The following VDAC1 variants were observed in gnomAD, a reference collection of about 807,000 sequenced individuals.
The protein encoded by VDAC1 is non-selective voltage-gated ion channel VDAC1.
A neutral mutation model predicts 34.7 loss-of-function variants in VDAC1; 10 were observed. The ratio of observed to expected loss-of-function variants is 0.29; its 90% CI spans 0.18 to 0.49. The LOEUF is 0.49. VDAC1 is among the 20% of genes least tolerant of loss of function. The pLI is 0.99. For missense variants in VDAC1, 230 were observed against 347.9 expected (o/e 0.66, Z 2.69); for synonymous variants, 130 against 136.0 (o/e 0.96, Z 0.30).
At chr5:134,112,890 C>T in the VDAC1 span, among the ~76,000 whole-genome samples, 3 of 152,176 alleles carry the variant, frequency 2.0e-5, no homozygotes, top group African/African-American at 7.2e-5. Context: ...GTCGGTGGAA[C>T]TCATGGGTCT....
chr5:133,980,435 G>A (rs1288845131), intron 6 of VDAC1, among the ~76,000 whole-genome samples: 2 of 152,104 alleles, frequency 1.3e-5, no homozygotes, highest in Admixed American at 6.6e-5. Context: ...GAATGGACAC[G>A]CTCTGGACTG....
intron 3 of VDAC1, 64 bp downstream of exon 3, chr5:133,992,238 AAAAT>A: frequency 8.3e-6 from 10 of 1,205,668 alleles, no homozygotes; most frequent in Middle Eastern, 3.1e-4. Flanking sequence ...CTCCATCTCA[AAAAT>A]AAATAAATAA....
chr5:134,109,692 C>T, the VDAC1 span, among the ~76,000 whole-genome samples: 1 of 151,344 alleles, frequency 6.6e-6, no homozygotes, highest in Non-Finnish European at 1.5e-5. Flanking sequence ...ATTGCTTGAA[C>T]CTGGGAGGCA....
the VDAC1 span, among the ~76,000 whole-genome samples, chr5:134,031,680 A>C: frequency 1.3e-5 from 2 of 152,250 alleles, no homozygotes; most frequent in Admixed American, 1.3e-4. Context: ...GGCCAGGCGC[A>C]GTGGCTCATG....
the VDAC1 span, among the ~76,000 whole-genome samples, chr5:134,054,492 G>A: frequency 3.5e-5 from 4 of 114,744 alleles, no homozygotes; most frequent in Admixed American, 1.3e-4. Context: ...ATGGAGTCTC[G>A]CTCTGTTGCC....
the VDAC1 span, among the ~76,000 whole-genome samples, chr5:134,088,831 C>A: frequency 0.013 from 1,920 of 152,266 alleles, 43 homozygotes; most frequent in African/African-American, 0.044. Flanking sequence ...AGTTTTCCCC[C>A]AAGCTTACCT....
chr5:134,030,231 T>C, the VDAC1 span, among the ~76,000 whole-genome samples: 1 of 151,836 alleles, frequency 6.6e-6, no homozygotes, highest in African/African-American at 2.4e-5. Flanking sequence ...TCCCAGCTAC[T>C]TGGGAGGATG....
chr5:134,087,383 C>T, the VDAC1 span, among the ~76,000 whole-genome samples: 1 of 152,092 alleles, frequency 6.6e-6, no homozygotes, highest in African/African-American at 2.4e-5. Flanking sequence ...GACTCATCTA[C>T]CCCAGAAAAA....
chr5:133,995,081 C>A (rs1753247733), intron 1 of VDAC1, among the ~76,000 whole-genome samples: 1 of 152,202 alleles, frequency 6.6e-6, no homozygotes, highest in African/African-American at 2.4e-5. Flanking sequence ...CAAAATCCAA[C>A]AAGCACAGCC....
At chr5:134,056,781 G>A in the VDAC1 span, among the ~76,000 whole-genome samples, 2 of 152,162 alleles carry the variant, frequency 1.3e-5, no homozygotes, top group South Asian at 2.1e-4. Context: ...CGCCTCCCAG[G>A]TTCAAGCAAT....
At chr5:134,108,912 C>T in the VDAC1 span, among the ~76,000 whole-genome samples, 1 of 152,184 alleles carries the variant, frequency 6.6e-6, no homozygotes, top group Admixed American at 6.5e-5. Context: ...CCTCTTCTCT[C>T]CTAGGCTGAC....
In VDAC1 at chr5:133,975,928, A is replaced by G. The variant is rs1752463037; in HGVS notation, c.645T>C (p.Ser215=). 1 of 1,612,654 alleles carries G rather than the reference A, an allele frequency of 6.2e-7. No individual in the cohort carries two copies. The highest frequency in any genetic ancestry group is 8.5e-7 in the Non-Finnish European group (1 of 1,179,870). ...TGGCTGCTATTCCGAAGCGCGTGTT[A>G]CTGTTTCCTGCTGTCCAGGCAAGAT... ...AVNLAWTAGN[S]NTRFGIAAKY... is the part of the protein sequence containing the mutation. The change falls in exon 7 of 9, where the codon AGT becomes AGC. Residue 215 remains serine, a synonymous_variant. Transcript: ENST00000265333.
the VDAC1 span, among the ~76,000 whole-genome samples, chr5:134,059,890 G>A: frequency 6.8e-6 from 1 of 146,142 alleles, no homozygotes; most frequent in African/African-American, 2.4e-5. Flanking sequence ...CAAACAGCAA[G>A]GAATGAGAGC....
chr5:134,092,919 T>G, the VDAC1 span, among the ~76,000 whole-genome samples: 4 of 152,226 alleles, frequency 2.6e-5, no homozygotes, highest in Non-Finnish European at 4.4e-5. Context: ...GCGGAGCTGC[T>G]AGAATTTCCT....
the VDAC1 span, among the ~76,000 whole-genome samples, chr5:134,017,564 C>T: frequency 6.6e-6 from 1 of 152,136 alleles, no homozygotes; most frequent in African/African-American, 2.4e-5. Flanking sequence ...TTCCATAGTG[C>T]CTGCCATATC....
chr5:134,009,451 G>T (rs372042014), upstream of VDAC1, among the ~76,000 whole-genome samples: 1 of 151,376 alleles, frequency 6.6e-6, no homozygotes, highest in Non-Finnish European at 1.5e-5. Context: ...TAGAGATGGG[G>T]TTTCACCATG....
At chr5:134,017,091 A>G in the VDAC1 span, among the ~76,000 whole-genome samples, 1 of 152,228 alleles carries the variant, frequency 6.6e-6, no homozygotes, top group African/African-American at 2.4e-5. Context: ...TCCCTGCCAC[A>G]AAATCTAACA....
intron 5 of VDAC1, among the ~76,000 whole-genome samples, chr5:133,982,189 T>C (rs981357703): frequency 2.6e-5 from 4 of 152,170 alleles, no homozygotes; most frequent in African/African-American, 9.7e-5. Context: ...GGCTGAAACA[T>C]ATTAAACAGT....
chr5:134,095,473 A>G, the VDAC1 span, among the ~76,000 whole-genome samples: 1 of 144,652 alleles, frequency 6.9e-6, no homozygotes, highest in Non-Finnish European at 1.5e-5. Context: ...GCAGAGTGAG[A>G]CTCTGTCTCA....
Sources: allele counts gnomAD v4.1 joint callset (sites outside exome capture counted in the v4.1 genomes callset), GRCh38; gene constraint gnomAD v4.1.1; transcripts MANE v1.5; gene names NCBI Gene and HGNC (gene_info 2026-07-23, HGNC 2026-07-21).